Variants in SCGB2B2 observed in about 807,000 individuals in gnomAD.
The protein encoded by SCGB2B2 is secretoglobin-like protein.
A neutral mutation model predicts 7.6 loss-of-function variants in SCGB2B2; 11 were observed. The ratio of observed to expected loss-of-function variants is 1.45; its 90% CI spans 0.91 to 2.40. The LOEUF (loss-of-function observed/expected upper bound fraction) is 2.40, where lower values mean the gene tolerates loss of function less well. Ranked by LOEUF, SCGB2B2 falls within the 30% of genes most tolerant of loss-of-function variation. SCGB2B2 has a pLI of 0.00. For synonymous variants in SCGB2B2, 50 were observed against 48.6 expected (o/e 1.03, Z -0.12); for missense variants, 104 against 115.4 (o/e 0.90, Z 0.45).
chr19:34,640,449 T>C (rs1466670218), intron 1 of SCGB2B2: 2 of 152,184 alleles, frequency 1.3e-5, no homozygotes, highest in African/African-American at 4.8e-5. Flanking sequence ...GTTGGGGACT[T>C]GTGCTGAATC....
intron 3 of SCGB2B2, among the ~76,000 whole-genome samples, chr19:34,593,936 C>T (rs985581417): frequency 4.6e-5 from 7 of 151,976 alleles, no homozygotes; most frequent in East Asian, 1.9e-4. Context: ...AGGCCTCTCC[C>T]GGGCACCAGG....
downstream of SCGB2B2, among the ~76,000 whole-genome samples, chr19:34,585,857 G>A (rs1438920545): frequency 1.3e-5 from 2 of 152,152 alleles, no homozygotes; most frequent in African/African-American, 4.8e-5. Context: ...CCATAGTGAT[G>A]GTATCTGCAG....
At chr19:34,628,361 T>A (rs1459490735) in intron 1 of SCGB2B2, among the ~76,000 whole-genome samples, 1 of 151,540 alleles carries the variant, frequency 6.6e-6, no homozygotes, top group Admixed American at 6.6e-5. Flanking sequence ...TCAACAAAAT[T>A]GATAGACTGC....
chr19:34,633,570 T>G (rs973098864), intron 1 of SCGB2B2, among the ~76,000 whole-genome samples: 4 of 152,086 alleles, frequency 2.6e-5, no homozygotes, highest in Non-Finnish European at 5.9e-5. Context: ...AAAATAAGTC[T>G]ACAGCAAAAG....
At chr19:34,616,725 A>G (rs1183732047) in intron 1 of SCGB2B2, among the ~76,000 whole-genome samples, 1 of 148,568 alleles carries the variant, frequency 6.7e-6, no homozygotes, top group African/African-American at 2.5e-5. Context: ...TTTTGTTGCC[A>G]TTGCTTTTGG....
At chr19:34,653,673 T>C (rs2067216493) in intron 1 of SCGB2B2, among the ~76,000 whole-genome samples, 1 of 151,082 alleles carries the variant, frequency 6.6e-6, no homozygotes, top group Non-Finnish European at 1.5e-5. Context: ...CACATGCCAA[T>C]GAATCAATAT....
rs563563996 is a variant in SCGB2B2 at position 34,666,897 on chromosome 19, C to T, written c.-2032+8733G>A. Among the ~76,000 whole-genome samples the T allele has an allele frequency of 2.6e-5, 4 of 152,162 alleles. No homozygotes were observed. In the East Asian group the frequency reaches 7.8e-4, roughly 30 times the overall value. ...TCCCTGCAGATCCCAAGAAACTATGCCCGCAGCTCGTGACCGTCATGAACC... is the reference window on the plus strand; with the variant it reads ...TCCCTGCAGATCCCAAGAAACTATGTCCGCAGCTCGTGACCGTCATGAACC... On this transcript the variant is annotated intron_variant, in intron 1 of 3. Transcript: ENST00000601241.
intron 1 of SCGB2B2, among the ~76,000 whole-genome samples, chr19:34,666,163 C>A (rs1255920143): frequency 6.6e-6 from 1 of 152,094 alleles, no homozygotes; most frequent in Admixed American, 6.5e-5. Context: ...GAGGGGTCCC[C>A]TGTCCCTGTC....
Position 34,596,368 on chromosome 19 carries a change from G to A in SCGB2B2, c.-1805C>T, listed in dbSNP as rs1408740132. ...ACCTGCGCAGTGCAGGCGTCCATGC[G>A]TGCTGAGACTCTCAGCCGGCTCTGT... On this transcript the variant is annotated 5_prime_UTR_variant, in exon 2 of 4. The change creates a new upstream start codon in the 5' untranslated region. Transcript: ENST00000601241. 5.9e-5 allele frequency: 9 copies of A among 152,628 alleles called. No individual in the cohort carries two copies. The highest frequency in any genetic ancestry group is 8.8e-5 in the Non-Finnish European group (6 of 68,116). 9.5% of individuals were successfully genotyped at this position (152,628 alleles called of 1,614,324 possible).
chr19:34,607,663 TG>T (rs894309700), intron 1 of SCGB2B2, among the ~76,000 whole-genome samples: 7 of 152,224 alleles, frequency 4.6e-5, no homozygotes, highest in African/African-American at 1.4e-4. Flanking sequence ...TAAGGTGGTA[TG>T]TTGTGGTTTT....
At chr19:34,622,341 C>A (rs1186405238) in intron 1 of SCGB2B2, among the ~76,000 whole-genome samples, 2 of 152,124 alleles carry the variant, frequency 1.3e-5, no homozygotes, top group African/African-American at 4.8e-5. Context: ...CCTTTTTGAG[C>A]CCCAGGTTCC....
chr19:34,617,412 G>C (rs1257936736), intron 1 of SCGB2B2, among the ~76,000 whole-genome samples: 1 of 151,224 alleles, frequency 6.6e-6, no homozygotes, highest in East Asian at 1.9e-4. Flanking sequence ...TCCCTTGTAA[G>C]TTGGATTCCT....
intron 1 of SCGB2B2, among the ~76,000 whole-genome samples, chr19:34,642,152 G>A (rs1002912814): frequency 6.6e-6 from 1 of 152,194 alleles, no homozygotes; most frequent in Non-Finnish European, 1.5e-5. Context: ...GTGCAATTTA[G>A]TTGAGCAGAC....
chr19:34,670,267 A>T (rs556852409), intron 1 of SCGB2B2, among the ~76,000 whole-genome samples: 1 of 152,226 alleles, frequency 6.6e-6, no homozygotes, highest in Non-Finnish European at 1.5e-5. Flanking sequence ...AATAAAAAGC[A>T]TAATTACACC....
intron 1 of SCGB2B2, among the ~76,000 whole-genome samples, chr19:34,615,074 T>C (rs2066033908): frequency 6.6e-6 from 1 of 152,162 alleles, no homozygotes; most frequent in African/African-American, 2.4e-5. Context: ...GCTGGAGTGC[T>C]TCAACAGTGG....
At chr19:34,664,632 C>A (rs1446917061) in intron 1 of SCGB2B2, among the ~76,000 whole-genome samples, 1 of 152,182 alleles carries the variant, frequency 6.6e-6, no homozygotes, top group Non-Finnish European at 1.5e-5. Flanking sequence ...GTGTTGTGTC[C>A]AGTTGTGCTG....
intron 1 of SCGB2B2, among the ~76,000 whole-genome samples, chr19:34,656,146 T>C (rs1568441579): frequency 1.3e-5 from 2 of 151,260 alleles, no homozygotes; most frequent in African/African-American, 4.9e-5. Flanking sequence ...AAGAAAACTA[T>C]ATGCTGATTA....
At chr19:34,653,689 TC>T (rs2067217213) in intron 1 of SCGB2B2, among the ~76,000 whole-genome samples, 1 of 151,068 alleles carries the variant, frequency 6.6e-6, no homozygotes, top group Non-Finnish European at 1.5e-5. Flanking sequence ...AATATGACAT[TC>T]CACATTAACA....
chr19:34,653,109 A>C (rs1474005749), intron 1 of SCGB2B2, among the ~76,000 whole-genome samples: 2 of 151,522 alleles, frequency 1.3e-5, no homozygotes, highest in Admixed American at 1.3e-4. Context: ...CAGGTACAGA[A>C]GGATGAATCC....
Sources: allele counts gnomAD v4.1 joint callset (sites outside exome capture counted in the v4.1 genomes callset), GRCh38; gene constraint gnomAD v4.1.1; transcripts MANE v1.5; gene names NCBI Gene and HGNC (gene_info 2026-07-23, HGNC 2026-07-21).